The following RAI14 variants were observed in gnomAD, a reference collection of about 807,000 sequenced individuals.
The protein encoded by RAI14 is ankycorbin.
In RAI14, 45 loss-of-function variants were observed where a neutral mutation model predicts 115.4. The ratio of observed to expected loss-of-function variants is 0.39; its 90% CI spans 0.31 to 0.50. The LOEUF is 0.50. Among genes scored for constraint, RAI14 ranks in the 20% least tolerant of loss-of-function variants. RAI14 has a pLI of 0.85. For missense variants in RAI14, 939 were observed against 1,131.2 expected (o/e 0.83, Z 2.44); for synonymous variants, 371 against 415.4 (o/e 0.89, Z 1.30).
At chr5:34,781,085 C>A (rs1157275810) in intron 3 of RAI14, among the ~76,000 whole-genome samples, 3 of 151,824 alleles carry the variant, frequency 2.0e-5, no homozygotes, top group Non-Finnish European at 2.9e-5. Flanking sequence ...ATGGATGAAG[C>A]TGGAAACCAT....
chr5:34,825,672 G>A (rs543571817), intron 15 of RAI14, among the ~76,000 whole-genome samples: 41 of 152,054 alleles, frequency 2.7e-4, no homozygotes, highest in African/African-American at 9.4e-4. Context: ...TGCTGCTGGA[G>A]GAAGGAGGGA....
At chr5:34,714,279 T>C (rs1417838158) in intron 2 of RAI14, among the ~76,000 whole-genome samples, 1 of 152,220 alleles carries the variant, frequency 6.6e-6, no homozygotes, top group East Asian at 1.9e-4. Context: ...TTTCTGTTCC[T>C]CAACTCATTG....
intron 1 of RAI14, among the ~76,000 whole-genome samples, chr5:34,683,296 T>TCA (rs1744518035): frequency 1.3e-5 from 2 of 152,140 alleles, no homozygotes; most frequent in African/African-American, 4.8e-5. Context: ...CACCCAGCTC[T>TCA]CACACACCCA....
At chr5:34,738,932 T>C (rs1396400448) in intron 2 of RAI14, among the ~76,000 whole-genome samples, 1 of 152,220 alleles carries the variant, frequency 6.6e-6, no homozygotes, top group Non-Finnish European at 1.5e-5. Context: ...AGCTTAAAAA[T>C]CAGTTATTCT....
In RAI14 at chr5:34,669,207, A is replaced by G. The variant is rs148907142; in HGVS notation, c.-49+12732A>G. On this transcript the variant is annotated intron_variant, in intron 1 of 17. Coordinates refer to ENST00000265109, the MANE Select transcript of RAI14 (RefSeq NM_015577.3). ...AACTTTTCACAGTGTTGGGTGTGCT[A>G]TTTGTTTCCTTTTGCAACTGCTTTT... 3.5e-3 allele frequency among the ~76,000 whole-genome samples: 536 copies of G among 152,260 alleles called. 2 individuals carry two copies. The highest frequency in any genetic ancestry group is 0.012 in the African/African-American group (504 of 41,560).
At chr5:34,768,366 A>T (rs1442442000) in intron 3 of RAI14, among the ~76,000 whole-genome samples, 1 of 152,226 alleles carries the variant, frequency 6.6e-6, no homozygotes, top group African/African-American at 2.4e-5. Context: ...CAGAAATCAG[A>T]TAAATACCTA....
intron 2 of RAI14, among the ~76,000 whole-genome samples, chr5:34,700,337 T>C (rs950976741): frequency 6.6e-6 from 1 of 152,106 alleles, no homozygotes; most frequent in Non-Finnish European, 1.5e-5. Flanking sequence ...CCAGCAGTCA[T>C]TGGAGTCTAT....
At chr5:34,707,344 G>A (rs1740825039) in intron 2 of RAI14, among the ~76,000 whole-genome samples, 1 of 152,186 alleles carries the variant, frequency 6.6e-6, no homozygotes, top group Admixed American at 6.5e-5. Context: ...TCAGGTGCCT[G>A]TAGTCCCAGC....
At chr5:34,724,130 C>T (rs1218864744) in intron 2 of RAI14, among the ~76,000 whole-genome samples, 2 of 152,188 alleles carry the variant, frequency 1.3e-5, no homozygotes, top group East Asian at 3.8e-4. Flanking sequence ...GATTCTCCTG[C>T]CTCAGCCTCC....
chr5:34,690,001 T>G (rs1260866266), intron 2 of RAI14, among the ~76,000 whole-genome samples: 1 of 152,164 alleles, frequency 6.6e-6, no homozygotes, highest in Non-Finnish European at 1.5e-5. Context: ...AAAAGTAGGA[T>G]TCAAAAAGTT....
chr5:34,717,598 A>C (rs1242698337), intron 2 of RAI14, among the ~76,000 whole-genome samples: 1 of 152,128 alleles, frequency 6.6e-6, no homozygotes, highest in Non-Finnish European at 1.5e-5. Flanking sequence ...GTCCCTGAGC[A>C]AGGCCTCCTT....
At chr5:34,706,907 A>G (rs1740759062) in intron 2 of RAI14, among the ~76,000 whole-genome samples, 1 of 152,192 alleles carries the variant, frequency 6.6e-6, no homozygotes, top group Admixed American at 6.5e-5. Flanking sequence ...GCAATAACTG[A>G]GTCAAGACCA....
At chr5:34,693,013 G>A (rs754939861) in intron 2 of RAI14, among the ~76,000 whole-genome samples, 44 of 152,076 alleles carry the variant, frequency 2.9e-4, no homozygotes, top group Non-Finnish European at 4.7e-4. Flanking sequence ...GCCTTGCCCC[G>A]ATCTCTGCTT....
At chr5:34,790,138 C>T (rs1008775627) in intron 3 of RAI14, among the ~76,000 whole-genome samples, 1 of 152,218 alleles carries the variant, frequency 6.6e-6, no homozygotes, top group African/African-American at 2.4e-5. Context: ...CCCTGCTCTT[C>T]TGTACATTGG....
At chr5:34,717,310 C>T (rs1742118209) in intron 2 of RAI14, among the ~76,000 whole-genome samples, 1 of 152,226 alleles carries the variant, frequency 6.6e-6, no homozygotes, top group Admixed American at 6.5e-5. Flanking sequence ...CTTCTTTCCT[C>T]ATTTAACCAG....
In RAI14 at chr5:34,822,250, G is replaced by GTATATATATATATATATATA. The variant is rs376790121; in HGVS notation, c.1113+405_1113+424dup. Among the ~76,000 whole-genome samples the GTATATATATATATATATATA allele has an allele frequency of 1.1e-3, 145 of 134,696 alleles. 2 individuals carry two copies. Among genetic ancestry groups the GTATATATATATATATATATA allele is most frequent in the African/African-American group, 3.0e-3 (107 of 35,700 alleles). 88.4% of individuals were successfully genotyped at this position (134,696 alleles called of 152,430 possible). On this transcript the variant is annotated intron_variant, in intron 14 of 17. Coordinates refer to ENST00000265109, the MANE Select transcript of RAI14 (RefSeq NM_015577.3). ...TTAAATTATATATGTATGTGTGTATGTATATATATATATATATATATATAA... is the reference window on the plus strand; with the variant it reads ...TTAAATTATATATGTATGTGTGTATGTATATATATATATATATATATATATATATATATATATATATATAA...
Position 34,711,985 on chromosome 5 carries a change from G to A in RAI14, c.36+25030G>A, listed in dbSNP as rs576987183. ...ATTGATGGTTAGCATGCTTGCTGCC[G>A]TCTTGAACCTTGGGGTGATCTTGTT... On this transcript the variant is annotated intron_variant, in intron 2 of 17. Transcript: ENST00000265109. Among the ~76,000 whole-genome samples the A allele has an allele frequency of 2.2e-4, 33 of 151,926 alleles. No individual in the cohort carries two copies. The South Asian group carries it at 4.6e-3, about 21-fold the overall frequency.
At chr5:34,741,483 C>G (rs753292002) in intron 2 of RAI14, among the ~76,000 whole-genome samples, 1 of 152,142 alleles carries the variant, frequency 6.6e-6, no homozygotes, top group Non-Finnish European at 1.5e-5. Context: ...CAGGGAGCAA[C>G]TTTATGCCTA....
At chr5:34,800,650 AG>A (rs1754147430) in intron 4 of RAI14, among the ~76,000 whole-genome samples, 1 of 152,244 alleles carries the variant, frequency 6.6e-6, no homozygotes, top group African/African-American at 2.4e-5. Flanking sequence ...GCTGCTCGTT[AG>A]AAAAACATCA....
Sources: allele counts gnomAD v4.1 joint callset (sites outside exome capture counted in the v4.1 genomes callset), GRCh38; gene constraint gnomAD v4.1.1; transcripts MANE v1.5; gene names NCBI Gene and HGNC (gene_info 2026-07-23, HGNC 2026-07-21).